Variants in YAP1 observed in about 807,000 individuals in gnomAD.
The protein encoded by YAP1 is transcriptional coactivator YAP1.
YAP1 carries 5 observed loss-of-function variants against 56.9 expected under a neutral mutation model. The ratio of observed to expected loss-of-function variants is 0.09; its 90% CI spans 0.05 to 0.18. The LOEUF (loss-of-function observed/expected upper bound fraction) is 0.18. Among genes scored for constraint, YAP1 ranks in the 10% least tolerant of loss-of-function variants. The pLI, the probability that YAP1 is intolerant of heterozygous loss-of-function variation, is 1.00. For missense variants in YAP1, 539 were observed against 651.8 expected (o/e 0.83, Z 1.88); for synonymous variants, 265 against 248.1 (o/e 1.07, Z -0.64).
intron 2 of YAP1, among the ~76,000 whole-genome samples, chr11:102,135,631 A>C (rs896024306): frequency 5.3e-5 from 8 of 152,344 alleles, no homozygotes; most frequent in Middle Eastern, 3.4e-3. Flanking sequence ...AGCTTCTTCA[A>C]ATCTAACCTT....
intron 4 of YAP1, among the ~76,000 whole-genome samples, chr11:102,197,471 G>A (rs1046618883): frequency 2.0e-5 from 3 of 151,948 alleles, no homozygotes; most frequent in African/African-American, 4.8e-5. Flanking sequence ...AAAATTGTCT[G>A]AAGTTTGGAA....
intron 2 of YAP1, among the ~76,000 whole-genome samples, chr11:102,142,952 G>T (rs1307163321): frequency 1.3e-5 from 2 of 152,144 alleles, no homozygotes; most frequent in Non-Finnish European, 2.9e-5. Flanking sequence ...ATACTTAGGT[G>T]TAGTCTCTTA....
intron 6 of YAP1, among the ~76,000 whole-genome samples, chr11:102,213,786 G>A (rs1185376956): frequency 6.6e-6 from 1 of 151,990 alleles, no homozygotes; most frequent in Non-Finnish European, 1.5e-5. Context: ...GCCCTTATGA[G>A]AATTCTTGAG....
At chr11:102,166,629 G>T (rs1946626915) in intron 3 of YAP1, among the ~76,000 whole-genome samples, 1 of 152,182 alleles carries the variant, frequency 6.6e-6, no homozygotes, top group Non-Finnish European at 1.5e-5. Context: ...CACCCTGAAG[G>T]GAGTGTCTTC....
intron 2 of YAP1, among the ~76,000 whole-genome samples, chr11:102,149,153 T>G (rs1591234613): frequency 6.6e-6 from 1 of 152,232 alleles, no homozygotes; most frequent in African/African-American, 2.4e-5. Flanking sequence ...GAGGAAATCT[T>G]GAAATTGTTC....
At chr11:102,212,116 A>G (rs1773172915) in intron 6 of YAP1, among the ~76,000 whole-genome samples, 1 of 152,264 alleles carries the variant, frequency 6.6e-6, no homozygotes, top group African/African-American at 2.4e-5. Context: ...GACATCACTC[A>G]GTATCTGAAC....
chr11:102,172,426 C>T (rs1458852890), intron 3 of YAP1, among the ~76,000 whole-genome samples: 1 of 146,790 alleles, frequency 6.8e-6, no homozygotes, highest in African/African-American at 2.5e-5. Flanking sequence ...ATTCTCATGC[C>T]TCAGCCTCCC....
intron 3 of YAP1, among the ~76,000 whole-genome samples, chr11:102,170,973 A>T (rs1045073451): frequency 6.6e-6 from 1 of 152,092 alleles, no homozygotes; most frequent in Admixed American, 6.6e-5. Flanking sequence ...TCTCAAAAAA[A>T]AAAAAAAGAA....
intron 3 of YAP1, among the ~76,000 whole-genome samples, chr11:102,173,049 A>T (rs1478183587): frequency 2.6e-5 from 4 of 152,182 alleles, no homozygotes; most frequent in African/African-American, 7.2e-5. Flanking sequence ...GTAACTTTTT[A>T]AAAAATAGGG....
At chr11:102,111,807 T>G (rs1942940833) in intron 1 of YAP1, among the ~76,000 whole-genome samples, 1 of 152,166 alleles carries the variant, frequency 6.6e-6, no homozygotes, top group Non-Finnish European at 1.5e-5. Context: ...TTTTTTGCTC[T>G]TTCTTTCCTT....
intron 6 of YAP1, among the ~76,000 whole-genome samples, chr11:102,217,697 C>CT (rs924951857): frequency 3.0e-4 from 44 of 149,092 alleles, no homozygotes; most frequent in Admixed American, 1.0e-3. Flanking sequence ...GGATGATTAT[C>CT]TTTTTTTTTT....
chr11:102,121,050 C>CGGTA (rs1462803146), intron 2 of YAP1, among the ~76,000 whole-genome samples: 5 of 151,994 alleles, frequency 3.3e-5, no homozygotes, highest in African/African-American at 7.3e-5. Context: ...CCTTCATGTG[C>CGGTA]GGTAGTCCCT....
intron 1 of YAP1, chr11:102,112,331 A>G: frequency 1.1e-6 from 1 of 894,666 alleles, no homozygotes; most frequent in Non-Finnish European, 1.3e-6. Flanking sequence ...CATAGAAGTG[A>G]AACTGTTTAT....
chr11:102,165,206 A>T (rs1308398447), intron 3 of YAP1, among the ~76,000 whole-genome samples: 2 of 152,022 alleles, frequency 1.3e-5, no homozygotes, highest in African/African-American at 4.8e-5. Flanking sequence ...AAAAAAAAAA[A>T]AATAGTCTGT....
intron 2 of YAP1, among the ~76,000 whole-genome samples, chr11:102,156,953 T>C (rs1382905561): frequency 6.6e-6 from 1 of 152,238 alleles, no homozygotes; most frequent in Non-Finnish European, 1.5e-5. Flanking sequence ...GTTTCATGCT[T>C]GCGGGCAAAT....
intron 6 of YAP1, among the ~76,000 whole-genome samples, chr11:102,220,363 C>A (rs1949866422): frequency 6.6e-6 from 1 of 152,056 alleles, no homozygotes; most frequent in Admixed American, 6.5e-5. Flanking sequence ...CATCCAAAAC[C>A]AAAGACCTTT....
chr11:102,229,332 T>A (rs991394239), intron 8 of YAP1, among the ~76,000 whole-genome samples: 3 of 152,240 alleles, frequency 2.0e-5, no homozygotes, highest in Non-Finnish European at 4.4e-5. Context: ...TGTTTATGTT[T>A]AGTCTTATTA....
At chr11:102,166,938 A>G (rs1355830544) in intron 3 of YAP1, among the ~76,000 whole-genome samples, 1 of 152,230 alleles carries the variant, frequency 6.6e-6, no homozygotes, top group East Asian at 1.9e-4. Flanking sequence ...GTTGACTAGG[A>G]TGAAAGATCT....
chr11:102,161,747 A>G (rs572545000), intron 2 of YAP1, among the ~76,000 whole-genome samples: 6 of 152,356 alleles, frequency 3.9e-5, no homozygotes, highest in Admixed American at 1.3e-4. Context: ...TTTGTATGTC[A>G]GATAACGTGC....
Sources: allele counts gnomAD v4.1 joint callset (sites outside exome capture counted in the v4.1 genomes callset), GRCh38; gene constraint gnomAD v4.1.1; transcripts MANE v1.5; gene names NCBI Gene and HGNC (gene_info 2026-07-23, HGNC 2026-07-21).